Variants in FBXO33 observed in about 807,000 individuals in gnomAD.
The protein encoded by FBXO33 is F-box only protein 33.
A neutral mutation model predicts 46.3 loss-of-function variants in FBXO33; 22 were observed. The observed-to-expected ratio is 0.48, with a 90% CI of 0.34 to 0.68. The LOEUF (loss-of-function observed/expected upper bound fraction) is 0.68, where lower values mean the gene tolerates loss of function less well. FBXO33 is among the 30% of genes least tolerant of loss of function. The pLI is 0.01. For missense variants in FBXO33, 692 were observed against 708.8 expected, an observed-to-expected ratio of 0.98 and a Z score of 0.27; for synonymous variants, 337 against 291.3, an observed-to-expected ratio of 1.16 and a Z score of -1.60.
At position 39,397,743 on chromosome 14, in the gene FBXO33, A is replaced by G. The variant is rs947776743; in HGVS notation, c.*1773T>C. On this transcript the variant is annotated 3_prime_UTR_variant, in exon 4 of 4. Transcript: ENST00000298097. The stretch of plus-strand genomic sequence containing the variant: ...AGTCATGCTTCATATACAATAAAAT[A>G]TATTACAATGATCATTTTTAATGCT... The G allele has an allele frequency of 2.0e-5, 3 of 152,700 alleles. No individual in the cohort carries two copies. The highest frequency in any genetic ancestry group is 2.1e-4 in the South Asian group (1 of 4,836). 9.5% of individuals were successfully genotyped at this position (152,700 alleles called of 1,614,324 possible). A position where few individuals can be genotyped will look rare whatever the true frequency, so the allele number is the denominator to read the frequency against.
In FBXO33 at chr14:39,397,746, T is replaced by C. The variant is rs748372973; in HGVS notation, c.*1770A>G. ...CATGCTTCATATACAATAAAATATA[T>C]TACAATGATCATTTTTAATGCTTTA... On this transcript the variant is annotated 3_prime_UTR_variant, in exon 4 of 4. Coordinates refer to ENST00000298097, the MANE Select transcript of FBXO33 (RefSeq NM_203301.4). 1.3e-5 allele frequency: 2 copies of C among 152,654 alleles called. No homozygotes were observed. Among genetic ancestry groups the C allele is most frequent in the Non-Finnish European group, 2.9e-5 (2 of 68,038 alleles). 9.5% of individuals were successfully genotyped at this position (152,654 alleles called of 1,614,324 possible).
Position 39,432,295 on chromosome 14 carries a change from A to T in FBXO33, c.-133T>A, listed in dbSNP as rs1229552066. ...GCCAGCCTCTGTCTTCTCAAACTCT[A>T]CTCACGTGCGTCCGAGGCCGGCACA... is the stretch of plus-strand genomic sequence containing the variant. On this transcript the variant is annotated 5_prime_UTR_variant, in exon 1 of 4. Coordinates refer to ENST00000298097, the MANE Select transcript of FBXO33 (RefSeq NM_203301.4). 1.8e-5 allele frequency: 13 copies of T among 710,546 alleles called. No homozygotes were observed. The highest frequency in any genetic ancestry group is 1.9e-5 in the African/African-American group (1 of 52,688). 44.0% of individuals were successfully genotyped at this position (710,546 alleles called of 1,614,324 possible).
At chr14:39,405,711 A>C (rs2075393420) in intron 1 of FBXO33, among the ~76,000 whole-genome samples, 1 of 151,970 alleles carries the variant, frequency 6.6e-6, no homozygotes, top group Admixed American at 6.6e-5. Flanking sequence ...AAAATGTGTA[A>C]CAAATGCTAC....
rs1010583806 is a variant in FBXO33 at position 39,431,379 on chromosome 14, T to C, written c.599+185A>G. Among the ~76,000 whole-genome samples, 6 of 152,066 alleles carry C rather than the reference T, an allele frequency of 3.9e-5. No individual in the cohort carries two copies. The highest frequency in any genetic ancestry group is 7.4e-5 in the Non-Finnish European group (5 of 68,022). Reference sequence around the variant, plus strand: ...CCCGTCCACCACTGTTTATAAAGTATCGTGATGAGTCCCGTTATGCCTTTC... The same window carrying C: ...CCCGTCCACCACTGTTTATAAAGTACCGTGATGAGTCCCGTTATGCCTTTC... On this transcript the variant is annotated intron_variant, in intron 1 of 3. Transcript: ENST00000298097.
chr14:39,421,878 G>C (rs1052741027), intron 1 of FBXO33, among the ~76,000 whole-genome samples: 2 of 151,922 alleles, frequency 1.3e-5, no homozygotes, highest in Non-Finnish European at 2.9e-5. Context: ...TGTATTTAGG[G>C]AATAGCAATT....
chr14:39,417,102 G>A (rs1254365696), intron 1 of FBXO33, among the ~76,000 whole-genome samples: 2 of 152,228 alleles, frequency 1.3e-5, no homozygotes, highest in African/African-American at 4.8e-5. Flanking sequence ...CACACTGAAA[G>A]GTTAGAGACA....
intron 1 of FBXO33, among the ~76,000 whole-genome samples, chr14:39,420,293 G>T (rs1324717297): frequency 6.6e-6 from 1 of 152,146 alleles, no homozygotes; most frequent in Non-Finnish European, 1.5e-5. Context: ...GTTATCAATG[G>T]TATTGTGGTT....
chr14:39,414,476 T>C (rs963966193), intron 1 of FBXO33, among the ~76,000 whole-genome samples: 1 of 152,230 alleles, frequency 6.6e-6, no homozygotes, highest in East Asian at 1.9e-4. Context: ...TCAAAAACTT[T>C]TCCTTTGCAT....
rs1190458292 is a variant in FBXO33, at chr14:39,431,992, GC to G, written c.170del (p.Gly57AlafsTer19). 3 of 1,436,946 alleles carry G rather than the reference GC, an allele frequency of 2.1e-6. No homozygotes were observed. The highest frequency in any genetic ancestry group is 1.8e-6 in the Non-Finnish European group (2 of 1,108,260). The allele number at this position is 1,436,946 out of a possible 1,614,324, so 89.0% of individuals were successfully genotyped here. A position where few individuals can be genotyped will look rare whatever the true frequency, so the allele number is the denominator to read the frequency against. On this transcript the variant is annotated frameshift_variant, in exon 1 of 4. Transcript: ENST00000298097. LOFTEE classifies it high-confidence loss of function. Reference protein sequence around the residue: ...GRPGAGSRRRGRMALCGQAAG... With the variant: ...GRPGAGSRRRXRMALCGQAAG... Reference sequence around the variant, plus strand: ...CCGCCTGCCCGCACAGAGCCATCCGGCCCCGCCGCCGGCTGCCGGCTCCCGG... The same window carrying G: ...CCGCCTGCCCGCACAGAGCCATCCGGCCCGCCGCCGGCTGCCGGCTCCCGG...
At chr14:39,412,421 G>A (rs1020532149) in intron 1 of FBXO33, among the ~76,000 whole-genome samples, 5 of 152,060 alleles carry the variant, frequency 3.3e-5, no homozygotes, top group East Asian at 1.9e-4. Context: ...TCATTTCCCC[G>A]CTTTCACCCT....
chr14:39,401,285 A>G lies in FBXO33; in HGVS notation c.1287T>C (p.Asn429=), dbSNP rs752445887. The change falls in exon 3 of 4, where the codon AAT becomes AAC. Residue 429 remains asparagine (N), a synonymous_variant. Coordinates refer to ENST00000298097, the MANE Select transcript of FBXO33 (RefSeq NM_203301.4). ...DKFLTHFILM[N]DVIDTSGFPD... is the part of the protein sequence containing the mutation. ...GAAAACCAGATGTGTCAATCACATC[A>G]TTCATTAAAATAAAATGAGTGAGGA... The G allele has an allele frequency of 6.2e-7, 1 of 1,614,144 alleles. No homozygotes were observed. The highest frequency in any genetic ancestry group is 8.5e-7 in the Non-Finnish European group (1 of 1,180,008).
At chr14:39,431,192 A>G (rs982347293) in intron 1 of FBXO33, among the ~76,000 whole-genome samples, 1 of 152,074 alleles carries the variant, frequency 6.6e-6, no homozygotes, top group Admixed American at 6.5e-5. Flanking sequence ...TGTTATGTGT[A>G]TGTTTTGTTT....
intron 1 of FBXO33, among the ~76,000 whole-genome samples, chr14:39,416,969 G>A (rs2075451517): frequency 6.6e-6 from 1 of 152,108 alleles, no homozygotes; most frequent in Non-Finnish European, 1.5e-5. Context: ...GTCTCACAGA[G>A]TACTGTTTGC....
intron 1 of FBXO33, among the ~76,000 whole-genome samples, chr14:39,416,223 T>C (rs553850258): frequency 5.9e-5 from 9 of 152,234 alleles, no homozygotes; most frequent in African/African-American, 1.9e-4. Flanking sequence ...TTCTGAGGGA[T>C]AGCTTTGCTG....
At position 39,398,441 on chromosome 14, in the gene FBXO33, G is replaced by GAAAC. The variant is rs1402888326; in HGVS notation, c.*1071_*1074dup. 1 of 149,722 alleles carries GAAAC rather than the reference G, an allele frequency of 6.7e-6. No individual in the cohort carries two copies. Among genetic ancestry groups the GAAAC allele is most frequent in the African/African-American group, 2.5e-5 (1 of 40,722 alleles). The allele number at this position is 149,722 out of a possible 1,614,324, so 9.3% of individuals were successfully genotyped here. On this transcript the variant is annotated 3_prime_UTR_variant, in exon 4 of 4. Coordinates refer to ENST00000298097, the MANE Select transcript of FBXO33 (RefSeq NM_203301.4). ...TTCCTTTACATTCACTATTCACAGT[G>GAAAC]AAACAGGTGCATGTTTTTTTTTTCT...
rs778718275 is a variant in FBXO33 at position 39,399,354 on chromosome 14, C to T, written c.*162G>A. On this transcript the variant is annotated 3_prime_UTR_variant, in exon 4 of 4. Coordinates refer to ENST00000298097, the MANE Select transcript of FBXO33 (RefSeq NM_203301.4). ...CACTTTGAACTTCTAAACCAATACC[C>T]GACTACGTTCTTTGATCAAGAAGTA... 4 of 623,226 alleles carry T rather than the reference C, an allele frequency of 6.4e-6. No individual in the cohort carries two copies. The highest frequency in any genetic ancestry group is 3.2e-5 in the Admixed American group (1 of 31,128). The allele number at this position is 623,226 out of a possible 1,614,324, so 38.6% of individuals were successfully genotyped here.
At position 39,402,488 on chromosome 14, in the gene FBXO33, A is replaced by G. The variant is rs1488781729; in HGVS notation, c.623T>C (p.Phe208Ser). 1 of 1,537,986 alleles carries G rather than the reference A, an allele frequency of 6.5e-7. No individual in the cohort carries two copies. Among genetic ancestry groups the G allele is most frequent in the Non-Finnish European group, 8.8e-7 (1 of 1,140,970 alleles). ...CTGTTGTAGAACACTTATGTCTCCA[A>G]AAAGACTAAACTTCTGAAGGTTCCT... is the stretch of plus-strand genomic sequence containing the variant. ...NNRNLQKFSLFGDISVLQQQG... is the reference protein window; with the variant it reads ...NNRNLQKFSLSGDISVLQQQG... The change falls in exon 2 of 4, where the codon TTT (phenylalanine) becomes TCT (serine). Residue 208 changes from phenylalanine (F) to serine (S), a missense_variant. Physicochemically the swap from Phe to Ser is radical, Grantham distance 155 (BLOSUM62 -2). This residue lies in a region of FBXO33 where 412 missense variants were observed against 370.8 expected (regional missense o/e 1.11). Transcript: ENST00000298097.
At chr14:39,410,361 A>G (rs950195329) in intron 1 of FBXO33, among the ~76,000 whole-genome samples, 2 of 152,254 alleles carry the variant, frequency 1.3e-5, no homozygotes, top group African/African-American at 4.8e-5. Flanking sequence ...ATGGTGAACC[A>G]TGCCTGCACC....
At chr14:39,406,735 G>A (rs2075400656) in intron 1 of FBXO33, among the ~76,000 whole-genome samples, 1 of 152,174 alleles carries the variant, frequency 6.6e-6, no homozygotes, top group Non-Finnish European at 1.5e-5. Context: ...GTAATGATTT[G>A]TACATGTGTT....
Sources: gnomAD v4.1 joint callset for allele counts (sites outside exome capture counted in the v4.1 genomes callset) on GRCh38, gnomAD v4.1.1 for gene constraint, gnomAD v4.1.1 regional missense constraint, MANE v1.5 for transcripts, NCBI Gene and HGNC (gene_info 2026-07-23, HGNC 2026-07-21) for gene names.